The following CNTN5 variants were observed in gnomAD, a reference collection of about 807,000 sequenced individuals.
CNTN5 encodes the protein contactin-5.
Under a neutral mutation model 129.1 loss-of-function variants are expected in CNTN5, and 77 were observed. That is an observed-to-expected ratio of 0.60 (90% confidence interval 0.50 to 0.72). CNTN5 has a LOEUF of 0.72. CNTN5 is among the 30% of genes least tolerant of loss of function. CNTN5 has a pLI of 0.00. For synonymous variants in CNTN5, 509 were observed against 465.6 expected, an observed-to-expected ratio of 1.09 and a Z score of -1.20; for missense variants, 1,478 against 1,328.8, an observed-to-expected ratio of 1.11 and a Z score of -1.75.
chr11:99,448,358 AAAAACTGTC>A (rs1474346392), intron 2 of CNTN5, among the ~76,000 whole-genome samples: 1 of 152,218 alleles, frequency 6.6e-6, no homozygotes, highest in Non-Finnish European at 1.5e-5. Context: ...ATGGGAGGCT[AAAAACTGTC>A]AATACATTCT....
At chr11:99,919,943 C>A (rs1949894831) in intron 7 of CNTN5, among the ~76,000 whole-genome samples, 1 of 152,006 alleles carries the variant, frequency 6.6e-6, no homozygotes, top group African/African-American at 2.4e-5. Context: ...GCATGAGCCA[C>A]TGGGTCCAGC....
intron 1 of CNTN5, among the ~76,000 whole-genome samples, chr11:99,071,560 A>G (rs367788296): frequency 2.0e-5 from 3 of 152,330 alleles, no homozygotes; most frequent in African/African-American, 7.2e-5. Flanking sequence ...TAAAAGTTAC[A>G]ATTAGTAAAA....
chr11:99,763,531 T>C (rs1285163018), intron 3 of CNTN5, among the ~76,000 whole-genome samples: 3 of 152,134 alleles, frequency 2.0e-5, no homozygotes, highest in African/African-American at 7.2e-5. Flanking sequence ...AAGTATTAAG[T>C]AACATTGTTA....
intron 1 of CNTN5, among the ~76,000 whole-genome samples, chr11:99,262,126 C>T (rs2135826342): frequency 6.6e-6 from 1 of 152,114 alleles, no homozygotes; most frequent in East Asian, 1.9e-4. Context: ...TAAACTGTGA[C>T]ATTTGAAAGC....
At chr11:100,289,418 C>T (rs1216093) in intron 18 of CNTN5, among the ~76,000 whole-genome samples, 80,012 of 148,030 alleles carry the variant, frequency 0.54, 22,031 homozygotes, top group Non-Finnish European at 0.58. Flanking sequence ...ACCATGATCA[C>T]GTGGGCTTCA....
intron 7 of CNTN5, among the ~76,000 whole-genome samples, chr11:99,949,512 C>G (rs983091409): frequency 6.6e-6 from 1 of 152,078 alleles, no homozygotes; most frequent in African/African-American, 2.4e-5. Flanking sequence ...GGAGTGAATG[C>G]TTTTTAATGC....
chr11:99,263,873 A>G (rs183789414), intron 1 of CNTN5, among the ~76,000 whole-genome samples: 68 of 152,212 alleles, frequency 4.5e-4, no homozygotes, highest in Non-Finnish European at 8.8e-4. Context: ...TGAAAAGTCA[A>G]ATTAGCTAAA....
chr11:99,521,076 G>A (rs538393040), intron 2 of CNTN5, among the ~76,000 whole-genome samples: 385 of 152,140 alleles, frequency 2.5e-3, no homozygotes, highest in Non-Finnish European at 4.2e-3. Flanking sequence ...CAAAACCCAA[G>A]CCTTCCATTT....
intron 13 of CNTN5, among the ~76,000 whole-genome samples, chr11:100,158,279 T>C (rs763071105): frequency 2.0e-5 from 3 of 151,828 alleles, no homozygotes; most frequent in African/African-American, 2.4e-5. Flanking sequence ...AGGATACAAA[T>C]TGCAGTTGTA....
At chr11:99,055,772 A>G (rs1200440180) in intron 1 of CNTN5, among the ~76,000 whole-genome samples, 1 of 151,852 alleles carries the variant, frequency 6.6e-6, no homozygotes, top group African/African-American at 2.4e-5. Flanking sequence ...AGCTTAGTCC[A>G]TTCTAACTTA....
At chr11:99,698,968 T>C (rs1045248539) in intron 3 of CNTN5, among the ~76,000 whole-genome samples, 4 of 150,918 alleles carry the variant, frequency 2.7e-5, no homozygotes, top group African/African-American at 7.3e-5. Flanking sequence ...GGAGCTACTC[T>C]TGTGAGCATA....
At chr11:100,009,095 AC>A (rs1406492336) in intron 9 of CNTN5, among the ~76,000 whole-genome samples, 3 of 152,116 alleles carry the variant, frequency 2.0e-5, no homozygotes, top group African/African-American at 7.2e-5. Context: ...TTTTGATATC[AC>A]CCAAATTTAC....
chr11:99,991,041 C>G (rs1013552815), intron 8 of CNTN5, among the ~76,000 whole-genome samples: 1 of 152,190 alleles, frequency 6.6e-6, no homozygotes, highest in Non-Finnish European at 1.5e-5. Flanking sequence ...AATGACATAT[C>G]TCACACATAG....
At chr11:99,972,207 G>C (rs1187617528) in intron 8 of CNTN5, among the ~76,000 whole-genome samples, 2 of 151,994 alleles carry the variant, frequency 1.3e-5, no homozygotes, top group Non-Finnish European at 2.9e-5. Flanking sequence ...CTTGCCGTGA[G>C]CCGAGATTGC....
At chr11:99,106,221 A>G (rs1343021795) in intron 1 of CNTN5, among the ~76,000 whole-genome samples, 1 of 152,102 alleles carries the variant, frequency 6.6e-6, no homozygotes, top group Non-Finnish European at 1.5e-5. Context: ...CAAAAAGTAA[A>G]TACCCATACA....
At chr11:100,116,783 A>C (rs1945853969) in intron 13 of CNTN5, among the ~76,000 whole-genome samples, 1 of 151,994 alleles carries the variant, frequency 6.6e-6, no homozygotes, top group African/African-American at 2.4e-5. Flanking sequence ...ATTTCTTCTT[A>C]CAAGTTTGAA....
chr11:99,140,091 T>C (rs951741249), intron 1 of CNTN5, among the ~76,000 whole-genome samples: 2 of 152,184 alleles, frequency 1.3e-5, no homozygotes, highest in Non-Finnish European at 2.9e-5. Context: ...AACATAATGA[T>C]TTCAAAATTA....
At chr11:99,805,439 G>A (rs1946239861) in intron 3 of CNTN5, among the ~76,000 whole-genome samples, 2 of 152,088 alleles carry the variant, frequency 1.3e-5, no homozygotes, top group South Asian at 4.1e-4. Context: ...TGTTTATATA[G>A]AGAAAAAAAT....
Position 99,882,530 on chromosome 11 carries a change from A to G in CNTN5, c.578-33524A>G, listed in dbSNP as rs563962778. 5.9e-5 allele frequency among the ~76,000 whole-genome samples: 9 copies of G among 152,308 alleles called. No individual in the cohort carries two copies. The South Asian group carries it at 1.9e-3, about 32-fold the overall frequency. ...TAAATCTGAACACAATTTTGAGAAC[A>G]AGAGATCTCTAAATCACTCATTTTT... is the stretch of plus-strand genomic sequence containing the variant. On this transcript the variant is annotated intron_variant, in intron 6 of 24. Coordinates refer to ENST00000524871, the MANE Select transcript of CNTN5 (RefSeq NM_014361.4).
Sources: allele counts gnomAD v4.1 joint callset (sites outside exome capture counted in the v4.1 genomes callset), GRCh38; gene constraint gnomAD v4.1.1; transcripts MANE v1.5; gene names NCBI Gene and HGNC (gene_info 2026-07-23, HGNC 2026-07-21).